The following RALYL variants were observed in gnomAD, a reference collection of about 807,000 sequenced individuals.
The protein encoded by RALYL is RNA-binding Raly-like protein.
In RALYL, 29 loss-of-function variants were observed where a neutral mutation model predicts 35.1. That is an observed-to-expected ratio of 0.83 (90% confidence interval 0.61 to 1.13). The LOEUF (loss-of-function observed/expected upper bound fraction) is 1.13, where lower values mean the gene tolerates loss of function less well. Ranked by LOEUF, RALYL falls within the 50% of genes most tolerant of loss-of-function variation. RALYL has a pLI of 0.00. For synonymous variants in RALYL, 120 were observed against 127.6 expected, an observed-to-expected ratio of 0.94 and a Z score of 0.40; for missense variants, 359 against 360.4, an observed-to-expected ratio of 1.00 and a Z score of 0.03.
intron 1 of RALYL, among the ~76,000 whole-genome samples, chr8:84,448,360 T>C (rs1190039605): frequency 6.6e-6 from 1 of 152,046 alleles, no homozygotes; most frequent in Non-Finnish European, 1.5e-5. Flanking sequence ...ATTTTAGTTG[T>C]TGAGACGTTT....
At chr8:84,255,809 A>G (rs1249685773) in intron 1 of RALYL, among the ~76,000 whole-genome samples, 1 of 152,120 alleles carries the variant, frequency 6.6e-6, no homozygotes, top group Non-Finnish European at 1.5e-5. Context: ...ATTTATTTAC[A>G]TTTTTCAAAA....
chr8:84,636,484 A>G (rs1341437353), intron 2 of RALYL, among the ~76,000 whole-genome samples: 1 of 151,850 alleles, frequency 6.6e-6, no homozygotes, highest in Non-Finnish European at 1.5e-5. Flanking sequence ...CAACCCGAAT[A>G]GTAGCTCTCC....
chr8:84,807,531 C>T (rs1824937442), intron 4 of RALYL, among the ~76,000 whole-genome samples: 1 of 152,150 alleles, frequency 6.6e-6, no homozygotes, highest in African/African-American at 2.4e-5. Flanking sequence ...GGTGGATACC[C>T]AGAGTGGGAT....
chr8:84,772,003 G>A (rs769401641), intron 2 of RALYL, among the ~76,000 whole-genome samples: 1 of 151,756 alleles, frequency 6.6e-6, no homozygotes, highest in Non-Finnish European at 1.5e-5. Flanking sequence ...TTCATATTTA[G>A]GCAATAGTAA....
chr8:84,327,392 G>C (rs529534286), intron 1 of RALYL, among the ~76,000 whole-genome samples: 25 of 152,270 alleles, frequency 1.6e-4, no homozygotes, highest in Middle Eastern at 3.4e-3. Context: ...AGTCTGCAGA[G>C]GGAATGTGGG....
At chr8:84,485,345 T>C (rs549812742) in intron 1 of RALYL, among the ~76,000 whole-genome samples, 10 of 152,188 alleles carry the variant, frequency 6.6e-5, no homozygotes, top group Non-Finnish European at 1.3e-4. Context: ...TCCCAGCACT[T>C]TGGGAGGCGG....
intron 2 of RALYL, among the ~76,000 whole-genome samples, chr8:84,568,145 C>A (rs2061921268): frequency 6.7e-6 from 1 of 149,046 alleles, no homozygotes. Flanking sequence ...GGGTGCTGCA[C>A]CCATTAACTC....
intron 1 of RALYL, among the ~76,000 whole-genome samples, chr8:84,416,012 G>A (rs2044663282): frequency 6.6e-6 from 1 of 152,168 alleles, no homozygotes; most frequent in Admixed American, 6.5e-5. Flanking sequence ...ATCATTTAAA[G>A]ACAAGGTACA....
intron 1 of RALYL, among the ~76,000 whole-genome samples, chr8:84,429,014 T>C (rs1458869096): frequency 2.0e-5 from 3 of 152,156 alleles, no homozygotes; most frequent in African/African-American, 7.2e-5. Context: ...GATTTCCCCA[T>C]TGTTTTAAAG....
intron 2 of RALYL, among the ~76,000 whole-genome samples, chr8:84,560,145 C>T (rs940685804): frequency 2.0e-5 from 3 of 151,722 alleles, no homozygotes; most frequent in Non-Finnish European, 2.9e-5. Context: ...AGTCTAACTG[C>T]GAGCTAGACT....
intron 5 of RALYL, among the ~76,000 whole-genome samples, chr8:84,852,918 A>C (rs1836174760): frequency 6.6e-6 from 1 of 152,194 alleles, no homozygotes; most frequent in Non-Finnish European, 1.5e-5. Flanking sequence ...CAACAACAAC[A>C]AAAACCATGG....
chr8:84,702,384 T>C (rs1212499124), intron 2 of RALYL, among the ~76,000 whole-genome samples: 2 of 152,178 alleles, frequency 1.3e-5, no homozygotes, highest in East Asian at 1.9e-4. Flanking sequence ...ATGTAAGTCA[T>C]GCTGTGTCCC....
At chr8:84,516,027 C>T (rs899544217) in intron 1 of RALYL, among the ~76,000 whole-genome samples, 17 of 3,814 alleles carry the variant, frequency 4.5e-3, no homozygotes, top group Non-Finnish European at 7.0e-3. Context: ...GGGTAGGGGG[C>T]GGTGTGGGGT....
intron 1 of RALYL, among the ~76,000 whole-genome samples, chr8:84,287,239 A>T (rs957978300): frequency 6.6e-6 from 1 of 152,118 alleles, no homozygotes. Context: ...TTTAATTTGG[A>T]TAATAAAATG....
intron 1 of RALYL, among the ~76,000 whole-genome samples, chr8:84,251,138 G>C (rs963983451): frequency 4.6e-5 from 7 of 152,018 alleles, no homozygotes; most frequent in African/African-American, 1.7e-4. Context: ...CTACACTCTT[G>C]TATAAATGTA....
intron 1 of RALYL, among the ~76,000 whole-genome samples, chr8:84,486,568 T>C (rs1266767312): frequency 1.3e-5 from 2 of 151,890 alleles, no homozygotes; most frequent in Non-Finnish European, 2.9e-5. Context: ...AGGATACTTT[T>C]TATTGGTTTT....
rs559355947 is a variant in RALYL at position 84,447,253 on chromosome 8, C to G, written c.-23-82046C>G. 2.6e-5 allele frequency among the ~76,000 whole-genome samples: 4 copies of G among 152,178 alleles called. No homozygotes were observed. The South Asian group carries it at 8.3e-4, about 32-fold the overall frequency. On this transcript the variant is annotated intron_variant, in intron 1 of 8. Coordinates refer to ENST00000521268, the MANE Select transcript of RALYL (RefSeq NM_173848.7). ...TGCTCCAATAAGACTGAGACACAGA[C>G]TCTTCTAGGGAGCAGCTGTCACTTT...
intron 1 of RALYL, among the ~76,000 whole-genome samples, chr8:84,400,038 A>G (rs947631402): frequency 7.2e-5 from 11 of 152,088 alleles, no homozygotes; most frequent in Non-Finnish European, 1.3e-4. Flanking sequence ...AGTCACTCGA[A>G]CCCAGAGGCA....
intron 4 of RALYL, among the ~76,000 whole-genome samples, chr8:84,828,256 C>G (rs1440747248): frequency 6.6e-6 from 1 of 152,078 alleles, no homozygotes; most frequent in African/African-American, 2.4e-5. Context: ...AGATACAGAA[C>G]TCTTTACTGT....
Sources: allele counts gnomAD v4.1 joint callset (sites outside exome capture counted in the v4.1 genomes callset), GRCh38; gene constraint gnomAD v4.1.1; transcripts MANE v1.5; gene names NCBI Gene and HGNC (gene_info 2026-07-23, HGNC 2026-07-21).